The following GALNT17 variants were observed in gnomAD, a reference collection of about 807,000 sequenced individuals.
GALNT17 encodes the protein UDP-GalNAc:polypeptide N-acetylgalactosaminyltransferase-like 3.
In GALNT17, 29 loss-of-function variants were observed where a neutral mutation model predicts 63.7. The ratio of observed to expected loss-of-function variants is 0.46; its 90% CI spans 0.34 to 0.62. The LOEUF (loss-of-function observed/expected upper bound fraction) is 0.62, where lower values mean the gene tolerates loss of function less well. GALNT17 is among the 20% of genes least tolerant of loss of function. The pLI, the probability that GALNT17 is intolerant of heterozygous loss-of-function variation, is 0.01. For synonymous variants in GALNT17, 305 were observed against 318.3 expected (o/e 0.96, Z 0.45); for missense variants, 603 against 799.6 (o/e 0.75, Z 2.97).
At chr7:71,302,721 C>G (rs1199681659) in intron 1 of GALNT17, among the ~76,000 whole-genome samples, 1 of 152,160 alleles carries the variant, frequency 6.6e-6, no homozygotes, top group East Asian at 1.9e-4. Context: ...TAACCGTGCT[C>G]TTTAAAAAAT....
chr7:71,563,619 C>T lies in GALNT17; in HGVS notation c.963-7666C>T, dbSNP rs961554584. 4.6e-5 allele frequency among the ~76,000 whole-genome samples: 7 copies of T among 152,144 alleles called. No homozygotes were observed. In the East Asian group the frequency reaches 1.4e-3, roughly 29 times the overall value. The stretch of plus-strand genomic sequence containing the variant: ...TTAAATTTGTTTTGAGACAGGGTCT[C>T]ACTCTGTCACCCAGGCTGGAGTACA... On this transcript the variant is annotated intron_variant, in intron 5 of 10. Transcript: ENST00000333538.
chr7:71,698,891 G>A lies in GALNT17; in HGVS notation c.1501-11870G>A, dbSNP rs148639409. ...GACACATAAAAAACCTCAGGAGAGC[G>A]CCGGGCCCAGTGGCTCACGCCTGTA... On this transcript the variant is annotated intron_variant, in intron 9 of 10. Coordinates refer to ENST00000333538, the MANE Select transcript of GALNT17 (RefSeq NM_022479.3). Among the ~76,000 whole-genome samples, 1,464 of 152,206 alleles carry A rather than the reference G, an allele frequency of 9.6e-3. 9 individuals are homozygous for A. Among genetic ancestry groups the A allele is most frequent in the African/African-American group, 0.013 (520 of 41,532 alleles).
rs181387893 is a variant in GALNT17 at position 71,655,190 on chromosome 7, G to C, written c.1081-10221G>C. On this transcript the variant is annotated intron_variant, in intron 6 of 10. Transcript: ENST00000333538. ...GGAGTGCTTGAGCCCAGGAGTTTGA[G>C]GTTACCATGAGCTACAGTCATGCCA... Among the ~76,000 whole-genome samples, 529 of 152,212 alleles carry C rather than the reference G, an allele frequency of 3.5e-3. 7 individuals are homozygous for C. Among genetic ancestry groups the C allele is most frequent in the African/African-American group, 0.012 (501 of 41,514 alleles).
chr7:71,530,329 C>T (rs1788695942), intron 5 of GALNT17, among the ~76,000 whole-genome samples: 2 of 152,120 alleles, frequency 1.3e-5, no homozygotes, highest in Admixed American at 6.5e-5. Flanking sequence ...CTGTGCAACG[C>T]AACAACACAC....
chr7:71,530,614 C>T (rs1788704005), intron 5 of GALNT17, among the ~76,000 whole-genome samples: 5 of 151,890 alleles, frequency 3.3e-5, no homozygotes, highest in East Asian at 3.9e-4. Context: ...CGCTCTGTCG[C>T]CCAGGCTGGA....
At chr7:71,262,867 GAT>G (rs1790411322) in intron 1 of GALNT17, among the ~76,000 whole-genome samples, 1 of 151,612 alleles carries the variant, frequency 6.6e-6, no homozygotes, top group Admixed American at 6.6e-5. Flanking sequence ...GTTTTGTAGA[GAT>G]AGGGTTTCAC....
rs1300317314 is a variant in GALNT17, at chr7:71,411,741, G to A, written c.590-4148G>A. 3.3e-5 allele frequency among the ~76,000 whole-genome samples: 5 copies of A among 152,036 alleles called. No homozygotes were observed. The East Asian group carries it at 9.7e-4, about 30-fold the overall frequency. ...TGCAGGGATTTCTTTTTTCTCACTG[G>A]TACTATCAGGGGCCTTCTGTTTGTC... is the stretch of plus-strand genomic sequence containing the variant. On this transcript the variant is annotated intron_variant, in intron 3 of 10. Coordinates refer to ENST00000333538, the MANE Select transcript of GALNT17 (RefSeq NM_022479.3).
chr7:71,410,427 G>T (rs1793409762), intron 3 of GALNT17, among the ~76,000 whole-genome samples: 1 of 152,132 alleles, frequency 6.6e-6, no homozygotes, highest in South Asian at 2.1e-4. Context: ...TATATTTTTA[G>T]TAGAGACGGG....
At chr7:71,215,152 T>C (rs1203035369) in intron 1 of GALNT17, among the ~76,000 whole-genome samples, 1 of 152,212 alleles carries the variant, frequency 6.6e-6, no homozygotes, top group East Asian at 1.9e-4. Flanking sequence ...ATGCCAAGTG[T>C]TCTCTGCATA....
intron 1 of GALNT17, among the ~76,000 whole-genome samples, chr7:71,279,962 C>T (rs1422909805): frequency 2.6e-5 from 4 of 152,102 alleles, no homozygotes; most frequent in African/African-American, 4.8e-5. Context: ...GTTTCTCTAT[C>T]CTCTGGATAG....
chr7:71,634,179 G>A (rs1790496197), intron 6 of GALNT17, among the ~76,000 whole-genome samples: 1 of 151,896 alleles, frequency 6.6e-6, no homozygotes, highest in Non-Finnish European at 1.5e-5. Context: ...CCATCTTTCT[G>A]TCCATGTGCA....
chr7:71,422,380 A>G (rs531371016), intron 5 of GALNT17, among the ~76,000 whole-genome samples: 8 of 152,334 alleles, frequency 5.3e-5, no homozygotes, highest in East Asian at 1.9e-4. Flanking sequence ...ATTATCTCCC[A>G]TCTTGAGATC....
At chr7:71,342,828 T>C (rs1694166938) in intron 2 of GALNT17, among the ~76,000 whole-genome samples, 1 of 152,084 alleles carries the variant, frequency 6.6e-6, no homozygotes, top group South Asian at 2.1e-4. Context: ...ATTACAGGAG[T>C]TGAAGGAGAC....
At chr7:71,390,942 G>A (rs779518794) in intron 3 of GALNT17, among the ~76,000 whole-genome samples, 19 of 152,220 alleles carry the variant, frequency 1.2e-4, no homozygotes, top group East Asian at 5.8e-4. Context: ...CTCCAAGTGC[G>A]AGGGAGCTGT....
At chr7:71,636,406 T>C (rs942464920) in intron 6 of GALNT17, among the ~76,000 whole-genome samples, 2 of 151,954 alleles carry the variant, frequency 1.3e-5, no homozygotes, top group Non-Finnish European at 2.9e-5. Context: ...GATGGACAGA[T>C]CCAACACATA....
intron 1 of GALNT17, among the ~76,000 whole-genome samples, chr7:71,297,918 AAG>A (rs1315983923): frequency 6.6e-6 from 1 of 152,212 alleles, no homozygotes; most frequent in Non-Finnish European, 1.5e-5. Context: ...ATTGCCTGGA[AAG>A]AGTCAGGAAG....
intron 6 of GALNT17, 44 bp from the exon 7 acceptor site, chr7:71,665,367 C>G: frequency 6.4e-7 from 1 of 1,568,862 alleles, no homozygotes; most frequent in South Asian, 1.2e-5. Context: ...GGCATAGCCT[C>G]TGGGAATTTC....
intron 5 of GALNT17, among the ~76,000 whole-genome samples, chr7:71,570,525 C>T (rs62461662): frequency 6.6e-6 from 1 of 152,130 alleles, no homozygotes; most frequent in East Asian, 1.9e-4. Flanking sequence ...CTCCAAGCTT[C>T]TTTGAGACTG....
chr7:71,338,138 T>A (rs1791944026), intron 2 of GALNT17, among the ~76,000 whole-genome samples: 1 of 151,314 alleles, frequency 6.6e-6, no homozygotes, highest in Non-Finnish European at 1.5e-5. Flanking sequence ...CCATTCTGGC[T>A]AAGATGGTAA....
Sources: gnomAD v4.1 joint callset for allele counts (sites outside exome capture counted in the v4.1 genomes callset) on GRCh38, gnomAD v4.1.1 for gene constraint, MANE v1.5 for transcripts, NCBI Gene and HGNC (gene_info 2026-07-23, HGNC 2026-07-21) for gene names.